RAPGEF5: variants seen among roughly 807,000 people sequenced by gnomAD.
RAPGEF5 encodes Rap guanine nucleotide exchange factor 5.
RAPGEF5 carries 65 observed loss-of-function variants against 125.2 expected under a neutral mutation model. That is an observed-to-expected ratio of 0.52 (90% CI 0.43 to 0.64). The LOEUF is 0.64. Ranked by LOEUF, RAPGEF5 falls within the 30% of genes least tolerant of loss-of-function variation. The pLI is 0.00. For missense variants in RAPGEF5, 958 were observed against 1,048.1 expected (o/e 0.91, Z 1.19); for synonymous variants, 391 against 385.9 (o/e 1.01, Z -0.16).
chr7:22,125,322 G>C, intron 25 of RAPGEF5: 1 of 330,620 alleles, frequency 3.0e-6, no homozygotes, highest in Non-Finnish European at 5.7e-6. Context: ...AGGAGTCAGC[G>C]GGAGTTGCGG....
chr7:22,196,241 G>A (rs952534230), intron 9 of RAPGEF5, among the ~76,000 whole-genome samples: 1 of 152,144 alleles, frequency 6.6e-6, no homozygotes, highest in Admixed American at 6.5e-5. Flanking sequence ...TGGCTCTCAA[G>A]AAGGAAAGGT....
intron 7 of RAPGEF5, among the ~76,000 whole-genome samples, chr7:22,264,656 C>T (rs1782239465): frequency 6.6e-6 from 1 of 152,166 alleles, no homozygotes; most frequent in Non-Finnish European, 1.5e-5. Flanking sequence ...TGGATAGCCA[C>T]AGGACTCACT....
At position 22,311,170 on chromosome 7, in the gene RAPGEF5, T is replaced by C. The variant is rs547432034; in HGVS notation, c.390-1080A>G. On this transcript the variant is annotated intron_variant, in intron 3 of 25. Transcript: ENST00000665637. ...CCTCCTGAGTAGCTAGGAGTACAGG[T>C]GCTCACCACTGGCTAATTTTTGTTT... 7.9e-5 allele frequency among the ~76,000 whole-genome samples: 12 copies of C among 152,176 alleles called. No homozygotes were observed. In the South Asian group the frequency reaches 2.5e-3, roughly 32 times the overall value.
intron 8 of RAPGEF5, among the ~76,000 whole-genome samples, chr7:22,223,414 T>G (rs1422725187): frequency 6.6e-6 from 1 of 152,208 alleles, no homozygotes; most frequent in Non-Finnish European, 1.5e-5. Flanking sequence ...TTTATTAACG[T>G]GAGTTCAACA....
intron 5 of RAPGEF5, among the ~76,000 whole-genome samples, chr7:22,307,635 T>A (rs1421322151): frequency 6.6e-6 from 1 of 152,178 alleles, no homozygotes; most frequent in Non-Finnish European, 1.5e-5. Context: ...TACTTTCTTA[T>A]CTATGACATA....
chr7:22,353,796 G>C (rs946642670), intron 1 of RAPGEF5, among the ~76,000 whole-genome samples: 2 of 152,150 alleles, frequency 1.3e-5, no homozygotes, highest in Non-Finnish European at 2.9e-5. Context: ...ACAACTAGAA[G>C]TGACTGAACT....
intron 11 of RAPGEF5, among the ~76,000 whole-genome samples, chr7:22,190,973 C>T (rs1243407461): frequency 1.3e-5 from 2 of 152,248 alleles, no homozygotes; most frequent in Admixed American, 6.5e-5. Flanking sequence ...CATAAAAATG[C>T]TGCTGTGTAC....
At chr7:22,133,965 G>A (rs1562706861) in intron 23 of RAPGEF5, among the ~76,000 whole-genome samples, 1 of 152,136 alleles carries the variant, frequency 6.6e-6, no homozygotes, top group Non-Finnish European at 1.5e-5. Context: ...AATATGGGGG[G>A]CCTAATCCTT....
intron 9 of RAPGEF5, among the ~76,000 whole-genome samples, chr7:22,196,681 A>G (rs753357237): frequency 6.6e-6 from 1 of 152,216 alleles, no homozygotes; most frequent in Admixed American, 6.5e-5. Flanking sequence ...ATCAAAGATA[A>G]CTATGGGTGA....
At chr7:22,327,284 A>C (rs1783832103) in intron 1 of RAPGEF5, among the ~76,000 whole-genome samples, 1 of 152,166 alleles carries the variant, frequency 6.6e-6, no homozygotes, top group South Asian at 2.1e-4. Context: ...CATATGCTCA[A>C]ATCTCCTGTT....
chr7:22,251,629 G>A (rs1363036923), intron 7 of RAPGEF5, among the ~76,000 whole-genome samples: 1 of 152,054 alleles, frequency 6.6e-6, no homozygotes, highest in East Asian at 1.9e-4. Flanking sequence ...TGATTGCACT[G>A]CTGACTTCTG....
chr7:22,322,932 A>G (rs969934908), intron 1 of RAPGEF5, among the ~76,000 whole-genome samples: 3 of 152,210 alleles, frequency 2.0e-5, no homozygotes, highest in Non-Finnish European at 4.4e-5. Context: ...CACTTTAGCT[A>G]TGGGGCTTGG....
In RAPGEF5 at chr7:22,284,089, G is replaced by GTGTGTGCA. The variant is rs1554273152; in HGVS notation, c.747+7085_747+7086insTGCACACA. ...AAGCTGTGTGTGTGTGTGTGTGTGT[G>GTGTGTGCA]CGCGTGCATGTGGCAACCTGTATAT... is the stretch of plus-strand genomic sequence containing the variant. On this transcript the variant is annotated intron_variant, in intron 6 of 25. Transcript: ENST00000665637. Among the ~76,000 whole-genome samples the GTGTGTGCA allele has an allele frequency of 7.5e-3, 701 of 93,836 alleles. 9 individuals carry two copies. The highest frequency in any genetic ancestry group is 0.024 in the African/African-American group (669 of 27,730). 61.6% of individuals were successfully genotyped at this position (93,836 alleles called of 152,430 possible).
At chr7:22,311,691 A>G (rs971832347) in intron 3 of RAPGEF5, among the ~76,000 whole-genome samples, 1 of 152,244 alleles carries the variant, frequency 6.6e-6, no homozygotes, top group Non-Finnish European at 1.5e-5. Flanking sequence ...AAGACAGCAT[A>G]AAGATTAACA....
chr7:22,223,949 T>C (rs540654640), intron 8 of RAPGEF5, among the ~76,000 whole-genome samples: 20 of 152,338 alleles, frequency 1.3e-4, no homozygotes, highest in Non-Finnish European at 2.2e-4. Flanking sequence ...CTAGGCTTTG[T>C]AGGTCATGGG....
chr7:22,168,059 T>C (rs909719370), intron 11 of RAPGEF5, among the ~76,000 whole-genome samples: 1 of 151,248 alleles, frequency 6.6e-6, no homozygotes, highest in Non-Finnish European at 1.5e-5. Flanking sequence ...TTTTTAGTTA[T>C]ATAAAACAGT....
chr7:22,325,962 GT>G (rs1783806245), intron 1 of RAPGEF5, among the ~76,000 whole-genome samples: 1 of 152,212 alleles, frequency 6.6e-6, no homozygotes, highest in Non-Finnish European at 1.5e-5. Context: ...ATTGTGTGGG[GT>G]CGTCAACAGG....
intron 6 of RAPGEF5, among the ~76,000 whole-genome samples, chr7:22,269,503 G>T (rs966250264): frequency 6.6e-5 from 10 of 152,134 alleles, no homozygotes; most frequent in African/African-American, 2.4e-4. Flanking sequence ...TACAAAGACA[G>T]AAGGAGAAAA....
In RAPGEF5 at chr7:22,121,116, T is replaced by C. The variant is rs1421242536; in HGVS notation, c.*1290A>G. The C allele has an allele frequency of 6.6e-6, 1 of 151,158 alleles. No homozygotes were observed. Among genetic ancestry groups the C allele is most frequent in the South Asian group, 2.1e-4 (1 of 4,788 alleles). The allele number at this position is 151,158 out of a possible 1,614,324, so 9.4% of individuals were successfully genotyped here. A position where few individuals can be genotyped will look rare whatever the true frequency, so the allele number is the denominator to read the frequency against. On this transcript the variant is annotated 3_prime_UTR_variant, in exon 26 of 26. Transcript: ENST00000665637. ...ATAGGCTGTTTTGTTCATGTGAAGGTTGAAAGAAATCCTCTAACCAGTCCT... is the reference window on the plus strand; with the variant it reads ...ATAGGCTGTTTTGTTCATGTGAAGGCTGAAAGAAATCCTCTAACCAGTCCT...
Sources: allele counts gnomAD v4.1 joint callset (sites outside exome capture counted in the v4.1 genomes callset), GRCh38; gene constraint gnomAD v4.1.1; transcripts MANE v1.5; gene names NCBI Gene and HGNC (gene_info 2026-07-23, HGNC 2026-07-21).